The following RAB3B variants were observed in gnomAD, a reference collection of about 807,000 sequenced individuals.
RAB3B encodes RAB3B, member RAS oncogene family.
Under a neutral mutation model 20.5 loss-of-function variants are expected in RAB3B, and 11 were observed. The ratio of observed to expected loss-of-function variants is 0.54; its 90% CI spans 0.34 to 0.89. The LOEUF is 0.89. Ranked by LOEUF, RAB3B falls within the 40% of genes least tolerant of loss-of-function variation. The probability of loss-of-function intolerance (pLI) is 0.02; values close to 1 mark genes in which losing one functional copy is unlikely to be tolerated. For synonymous variants in RAB3B, 99 were observed against 106.3 expected (o/e 0.93, Z 0.42); for missense variants, 225 against 280.9 (o/e 0.80, Z 1.42).
rs1557958079 is a variant in RAB3B, at chr1:51,912,592, TATATATATA to T, written c.*7326_*7334del. 2.4e-5 allele frequency: 1 copy of T among 41,756 alleles called. No individual in the cohort carries two copies. Among genetic ancestry groups the T allele is most frequent in the African/African-American group, 8.3e-5 (1 of 12,108 alleles). The allele number at this position is 41,756 out of a possible 1,614,324, so 2.6% of individuals were successfully genotyped here. On this transcript the variant is annotated 3_prime_UTR_variant, in exon 5 of 5. Coordinates refer to ENST00000371655, the MANE Select transcript of RAB3B (RefSeq NM_002867.4). The stretch of plus-strand genomic sequence containing the variant: ...ATATATATATATATATATATATATA[TATATATATA>T]AAAAATGTTACTCCTGTGAGACAGA...
At chr1:51,959,727 C>G (rs1048483641) in intron 2 of RAB3B, among the ~76,000 whole-genome samples, 4 of 152,114 alleles carry the variant, frequency 2.6e-5, no homozygotes, top group African/African-American at 9.7e-5. Context: ...GTGGAATAAA[C>G]TAGGGATGTT....
intron 1 of RAB3B, chr1:51,980,552 C>A: frequency 2.7e-6 from 2 of 747,860 alleles, no homozygotes; most frequent in East Asian, 2.5e-5. Context: ...ATGAACTGTG[C>A]CCAATGTGTG....
intron 1 of RAB3B, among the ~76,000 whole-genome samples, chr1:51,988,526 C>A (rs971099608): frequency 6.6e-6 from 1 of 152,226 alleles, no homozygotes; most frequent in African/African-American, 2.4e-5. Flanking sequence ...AACAGGAACA[C>A]CTGCAGAATA....
chr1:51,984,924 A>G (rs1192286661), intron 1 of RAB3B, among the ~76,000 whole-genome samples: 1 of 152,210 alleles, frequency 6.6e-6, no homozygotes, highest in Non-Finnish European at 1.5e-5. Flanking sequence ...TGAGAAATTA[A>G]AAGGATTTGC....
At chr1:51,947,757 G>A (rs149251015) in intron 2 of RAB3B, among the ~76,000 whole-genome samples, 90 of 152,080 alleles carry the variant, frequency 5.9e-4, no homozygotes, top group African/African-American at 2.1e-3. Flanking sequence ...CAGCTTCTCT[G>A]CTTGTCTTGA....
chr1:51,975,190 G>A (rs1220979304), intron 2 of RAB3B, among the ~76,000 whole-genome samples: 3 of 152,174 alleles, frequency 2.0e-5, no homozygotes, highest in African/African-American at 4.8e-5. Flanking sequence ...CTCCAGCTCA[G>A]GTGACAGAGT....
chr1:51,914,298 T>C lies in RAB3B; in HGVS notation c.*5629A>G, dbSNP rs2124219183. The C allele has an allele frequency of 6.6e-6, 1 of 152,328 alleles. No individual in the cohort carries two copies. The highest frequency in any genetic ancestry group is 1.9e-4 in the East Asian group (1 of 5,190). The allele number at this position is 152,328 out of a possible 1,614,324, so 9.4% of individuals were successfully genotyped here. On this transcript the variant is annotated 3_prime_UTR_variant, in exon 5 of 5. Coordinates refer to ENST00000371655, the MANE Select transcript of RAB3B (RefSeq NM_002867.4). ...AGCTTAGTTGAGGAATGTAAAGCAA[T>C]GGCCAGTGGGTAGCAGAGATATTTG...
At position 51,948,484 on chromosome 1, in the gene RAB3B, G is replaced by A. The variant is rs148062918; in HGVS notation, c.229-11072C>T. Among the ~76,000 whole-genome samples, 794 of 152,334 alleles carry A rather than the reference G, an allele frequency of 5.2e-3. 13 individuals are homozygous for A. Among genetic ancestry groups the A allele is most frequent in the African/African-American group, 0.019 (774 of 41,562 alleles). Reference sequence around the variant, plus strand: ...CAAATCTTCACTTGGTACTGATTCTGTGCCAAGCATTGGTTAGGTCCTGAA... The same window carrying A: ...CAAATCTTCACTTGGTACTGATTCTATGCCAAGCATTGGTTAGGTCCTGAA... On this transcript the variant is annotated intron_variant, in intron 2 of 4. Transcript: ENST00000371655.
At chr1:51,954,619 A>G (rs72905914) in intron 2 of RAB3B, among the ~76,000 whole-genome samples, 2,341 of 152,290 alleles carry the variant, frequency 0.015, 63 homozygotes, top group African/African-American at 0.053. Context: ...GAGTTCATGT[A>G]CTACTTATTC....
At chr1:51,967,521 C>CTTTTTTTTTTGTTTTTTTTTTTTTTTT (rs1684871103) in intron 2 of RAB3B, among the ~76,000 whole-genome samples, 1 of 36,496 alleles carries the variant, frequency 2.7e-5, no homozygotes, top group African/African-American at 6.8e-5. Flanking sequence ...TTTTCTTTTT[C>CTTTTTTTTTTGTTTTTTTTTTTTTTTT]TTTTTTTTTT....
rs568788910 is a variant in RAB3B, at chr1:51,989,116, C to CACACAA, written c.-1+1435_-1+1436insTTGTGT. On this transcript the variant is annotated intron_variant, in intron 1 of 4. Transcript: ENST00000371655. ...ACCTGTGCGCGCGCACACACACACA[C>CACACAA]ACACACACACACACACATCCTCTCC... Among the ~76,000 whole-genome samples the CACACAA allele has an allele frequency of 4.5e-3, 674 of 150,304 alleles. 11 individuals carry two copies. The highest frequency in any genetic ancestry group is 7.2e-3 in the Non-Finnish European group (486 of 67,284).
chr1:51,961,811 C>T (rs1684787983), intron 2 of RAB3B, among the ~76,000 whole-genome samples: 1 of 152,096 alleles, frequency 6.6e-6, no homozygotes, highest in South Asian at 2.1e-4. Flanking sequence ...CGCTCTGTCA[C>T]CCAGGCTGGA....
At chr1:51,955,088 G>C (rs1684690209) in intron 2 of RAB3B, among the ~76,000 whole-genome samples, 1 of 152,208 alleles carries the variant, frequency 6.6e-6, no homozygotes, top group African/African-American at 2.4e-5. Flanking sequence ...CAAAGGCCAG[G>C]GGGCGTTGAC....
intron 2 of RAB3B, among the ~76,000 whole-genome samples, chr1:51,958,591 C>T (rs796212269): frequency 5.9e-5 from 9 of 152,106 alleles, no homozygotes; most frequent in East Asian, 1.9e-4. Context: ...GGCGTGGAGG[C>T]GCATGCCTGT....
intron 1 of RAB3B, among the ~76,000 whole-genome samples, chr1:51,977,360 G>C (rs930955839): frequency 3.3e-5 from 5 of 152,148 alleles, no homozygotes; most frequent in African/African-American, 1.2e-4. Flanking sequence ...CATTGATCTG[G>C]GGCAAGCCCT....
chr1:51,978,307 TG>T (rs1184153970), intron 1 of RAB3B, among the ~76,000 whole-genome samples: 1 of 152,168 alleles, frequency 6.6e-6, no homozygotes, highest in Non-Finnish European at 1.5e-5. Context: ...ATCTGGAAAA[TG>T]GGGAGAACAA....
At chr1:51,970,810 C>T (rs1684918902) in intron 2 of RAB3B, among the ~76,000 whole-genome samples, 1 of 151,568 alleles carries the variant, frequency 6.6e-6, no homozygotes, top group Non-Finnish European at 1.5e-5. Flanking sequence ...ACAAGACCAC[C>T]CTGGCTAACA....
In RAB3B at chr1:51,909,459, C is replaced by T. The variant is rs1367037106; in HGVS notation, c.*10468G>A. The stretch of plus-strand genomic sequence containing the variant: ...TCACACAGTTAGTATGCTGCAAAGT[C>T]AGGACTCAAACCCAGGTCTCTGGAA... On this transcript the variant is annotated 3_prime_UTR_variant, in exon 5 of 5. Transcript: ENST00000371655. The T allele has an allele frequency of 6.6e-6, 1 of 152,096 alleles. No individual in the cohort carries two copies. The highest frequency in any genetic ancestry group is 1.5e-5 in the Non-Finnish European group (1 of 68,024). The allele number at this position is 152,096 out of a possible 1,614,324, so 9.4% of individuals were successfully genotyped here. A position where few individuals can be genotyped will look rare whatever the true frequency, so the allele number is the denominator to read the frequency against.
chr1:51,946,485 C>A (rs1041339899), intron 2 of RAB3B, among the ~76,000 whole-genome samples: 6 of 152,146 alleles, frequency 3.9e-5, no homozygotes, highest in Non-Finnish European at 7.3e-5. Flanking sequence ...AGGAAGGAGA[C>A]CATGTCATCA....
Sources: allele counts gnomAD v4.1 joint callset (sites outside exome capture counted in the v4.1 genomes callset), GRCh38; gene constraint gnomAD v4.1.1; transcripts MANE v1.5; gene names NCBI Gene and HGNC (gene_info 2026-07-23, HGNC 2026-07-21).